The following DPYD variants were observed in gnomAD, a reference collection of about 807,000 sequenced individuals.
DPYD encodes the protein dihydropyrimidine dehydrogenase.
Under a neutral mutation model 116.2 loss-of-function variants are expected in DPYD, and 109 were observed. The ratio of observed to expected loss-of-function variants is 0.94; its 90% CI spans 0.80 to 1.10. The LOEUF (loss-of-function observed/expected upper bound fraction) is 1.10, where lower values mean the gene tolerates loss of function less well. DPYD is among the 50% of genes least tolerant of loss of function. DPYD has a pLI of 0.00. For missense variants in DPYD, 1,302 were observed against 1,254.5 expected, an observed-to-expected ratio of 1.04 and a Z score of -0.57; for synonymous variants, 440 against 432.0, an observed-to-expected ratio of 1.02 and a Z score of -0.23.
intron 13 of DPYD, among the ~76,000 whole-genome samples, chr1:97,459,653 C>T (rs1436241868): frequency 1.3e-5 from 2 of 151,958 alleles, no homozygotes; most frequent in Non-Finnish European, 2.9e-5. Context: ...GAATTGCATA[C>T]CTTGTAGACT....
At chr1:97,633,256 T>A (rs2100799295) in intron 8 of DPYD, among the ~76,000 whole-genome samples, 1 of 152,182 alleles carries the variant, frequency 6.6e-6, no homozygotes, top group Middle Eastern at 3.4e-3. Context: ...TAAAGATTAT[T>A]TTGGACCACG....
intron 8 of DPYD, among the ~76,000 whole-genome samples, chr1:97,603,510 T>G (rs1338399463): frequency 6.6e-6 from 1 of 152,094 alleles, no homozygotes; most frequent in African/African-American, 2.4e-5. Context: ...AAACATACTC[T>G]ATTGAACTGC....
intron 20 of DPYD, among the ~76,000 whole-genome samples, chr1:97,170,605 C>T (rs1656652985): frequency 6.6e-6 from 1 of 152,098 alleles, no homozygotes; most frequent in South Asian, 2.1e-4. Context: ...AGGTTTCTCC[C>T]CATTCCCTGA....
At chr1:97,567,701 C>T (rs566091808) in intron 11 of DPYD, among the ~76,000 whole-genome samples, 1 of 152,194 alleles carries the variant, frequency 6.6e-6, no homozygotes, top group East Asian at 1.9e-4. Flanking sequence ...AAATCTCAAA[C>T]TTAGTTGAAA....
chr1:97,840,753 T>C (rs1669998180), intron 2 of DPYD, among the ~76,000 whole-genome samples: 1 of 152,126 alleles, frequency 6.6e-6, no homozygotes, highest in East Asian at 1.9e-4. Context: ...ACTTTCCAAA[T>C]TCAAGGAACA....
chr1:97,769,502 T>C (rs1450809567), intron 3 of DPYD, among the ~76,000 whole-genome samples: 2 of 151,558 alleles, frequency 1.3e-5, no homozygotes, highest in Non-Finnish European at 3.0e-5. Flanking sequence ...GTTAAAACAC[T>C]CTGTTTTTTA....
chr1:97,132,284 AT>A (rs1486076821), intron 20 of DPYD, among the ~76,000 whole-genome samples: 3 of 152,102 alleles, frequency 2.0e-5, no homozygotes, highest in Admixed American at 2.0e-4. Flanking sequence ...TAATAATAAA[AT>A]TTTATATACT....
At chr1:97,146,363 A>G (rs1159024232) in intron 20 of DPYD, among the ~76,000 whole-genome samples, 1 of 152,214 alleles carries the variant, frequency 6.6e-6, no homozygotes, top group Non-Finnish European at 1.5e-5. Flanking sequence ...CGATAATTAC[A>G]GGCACAAAAA....
At chr1:97,192,853 T>C (rs1022720035) in intron 20 of DPYD, among the ~76,000 whole-genome samples, 9 of 152,184 alleles carry the variant, frequency 5.9e-5, no homozygotes, top group Non-Finnish European at 1.3e-4. Flanking sequence ...CTTTTCCTTT[T>C]ATATAATCTT....
chr1:97,287,428 C>T (rs942157161), intron 18 of DPYD, among the ~76,000 whole-genome samples: 2 of 152,132 alleles, frequency 1.3e-5, no homozygotes, highest in Admixed American at 6.5e-5. Context: ...TCTCCAGCTG[C>T]GTGCTGGGAG....
At chr1:97,161,236 A>C (rs1655872984) in intron 20 of DPYD, among the ~76,000 whole-genome samples, 1 of 152,120 alleles carries the variant, frequency 6.6e-6, no homozygotes, top group South Asian at 2.1e-4. Flanking sequence ...AGTTACAGGG[A>C]ATGTCTCAAA....
At chr1:97,545,346 C>A (rs1177663032) in intron 12 of DPYD, among the ~76,000 whole-genome samples, 1 of 151,950 alleles carries the variant, frequency 6.6e-6, no homozygotes, top group East Asian at 1.9e-4. Flanking sequence ...TATTGTTATT[C>A]TGTAAAAGAA....
intron 8 of DPYD, among the ~76,000 whole-genome samples, chr1:97,610,340 A>ATTC (rs1034177427): frequency 6.6e-6 from 1 of 152,016 alleles, no homozygotes; most frequent in African/African-American, 2.4e-5. Context: ...CGTTAACCAC[A>ATTC]TTGAGCTGTG....
chr1:97,753,125 C>T (rs1665026266), intron 3 of DPYD, among the ~76,000 whole-genome samples: 1 of 152,024 alleles, frequency 6.6e-6, no homozygotes, highest in Admixed American at 6.6e-5. Flanking sequence ...AATGTTAACT[C>T]ATTTAATTTT....
chr1:97,883,834 CA>C (rs11414362), intron 1 of DPYD: 604 of 374,558 alleles, frequency 1.6e-3, no homozygotes, highest in South Asian at 2.2e-3. Context: ...TTAGGAATCA[CA>C]AAAAAAAAAA....
At position 97,647,644 on chromosome 1, in the gene DPYD, C is replaced by G. The variant is rs965898973; in HGVS notation, c.850+31451G>C. Reference sequence around the variant, plus strand: ...TATCTTTATAATTTCTCTGAATGAGCTAAAAAGATTATCTCTAATTACTGA... The same window carrying G: ...TATCTTTATAATTTCTCTGAATGAGGTAAAAAGATTATCTCTAATTACTGA... On this transcript the variant is annotated intron_variant, in intron 8 of 22. Coordinates refer to ENST00000370192, the MANE Select transcript of DPYD (RefSeq NM_000110.4). Among the ~76,000 whole-genome samples the G allele has an allele frequency of 2.3e-4, 35 of 151,776 alleles. 1 individual carries two copies. Among genetic ancestry groups the G allele is most frequent in the African/African-American group, 8.5e-4 (35 of 41,360 alleles).
chr1:97,723,475 A>G (rs1663039144), intron 4 of DPYD, among the ~76,000 whole-genome samples: 1 of 151,526 alleles, frequency 6.6e-6, no homozygotes, highest in African/African-American at 2.4e-5. Context: ...GCATACACAC[A>G]CACACAAAAG....
intron 18 of DPYD, among the ~76,000 whole-genome samples, chr1:97,235,976 C>T (rs1661898367): frequency 6.6e-6 from 1 of 151,694 alleles, no homozygotes; most frequent in African/African-American, 2.4e-5. Flanking sequence ...TATATTATTC[C>T]CTAATAGTAA....
chr1:97,754,254 T>C (rs1254309173), intron 3 of DPYD, among the ~76,000 whole-genome samples: 3 of 152,202 alleles, frequency 2.0e-5, no homozygotes, highest in African/African-American at 7.2e-5. Context: ...AGAAGATTTT[T>C]TGAGAAAATT....
Sources: allele counts gnomAD v4.1 joint callset (sites outside exome capture counted in the v4.1 genomes callset), GRCh38; gene constraint gnomAD v4.1.1; transcripts MANE v1.5; gene names NCBI Gene and HGNC (gene_info 2026-07-23, HGNC 2026-07-21).